Variants in NRG4 observed in about 807,000 individuals in gnomAD.
NRG4 encodes pro-neuregulin-4, membrane-bound isoform.
A neutral mutation model predicts 15.0 loss-of-function variants in NRG4; 10 were observed. That is an observed-to-expected ratio of 0.67 (90% CI 0.41 to 1.13). The LOEUF (loss-of-function observed/expected upper bound fraction) is 1.13, where lower values mean the gene tolerates loss of function less well. Ranked by LOEUF, NRG4 falls within the 50% of genes most tolerant of loss-of-function variation. The pLI is 0.00. For missense variants in NRG4, 139 were observed against 140.2 expected (o/e 0.99, Z 0.04); for synonymous variants, 41 against 50.1 (o/e 0.82, Z 0.77).
chr15:75,951,696 T>C (rs921190825), intron 5 of NRG4, among the ~76,000 whole-genome samples: 3 of 152,196 alleles, frequency 2.0e-5, no homozygotes, highest in Non-Finnish European at 4.4e-5. Flanking sequence ...ACATTCAGCA[T>C]AAGAACCTTA....
intron 5 of NRG4, among the ~76,000 whole-genome samples, chr15:76,023,182 AC>A (rs1398700066): frequency 0.056 from 7,094 of 126,338 alleles, 249 homozygotes; most frequent in Non-Finnish European, 0.077. Flanking sequence ...ACACACACAC[AC>A]AAGCAAGGAC....
chr15:75,943,449 C>T lies in NRG4; in HGVS notation c.*189G>A, dbSNP rs566449296. 2.3e-5 allele frequency: 13 copies of T among 570,144 alleles called. No homozygotes were observed. The highest frequency in any genetic ancestry group is 1.5e-4 in the African/African-American group (8 of 52,190). The allele number at this position is 570,144 out of a possible 1,614,324, so 35.3% of individuals were successfully genotyped here. A position where few individuals can be genotyped will look rare whatever the true frequency, so the allele number is the denominator to read the frequency against. ...GTATCACCCCCTACTTAGCAGTTGC[C>T]GATGGACTGATGCACATTACAGAAG... is the stretch of plus-strand genomic sequence containing the variant. On this transcript the variant is annotated 3_prime_UTR_variant, in exon 6 of 6. Transcript: ENST00000394907.
chr15:76,014,419 A>AT (rs1167607756), upstream of NRG4, among the ~76,000 whole-genome samples: 1 of 152,120 alleles, frequency 6.6e-6, no homozygotes, highest in East Asian at 1.9e-4. Context: ...GTCTTTGCCC[A>AT]TATCTGTGTC....
intron 3 of NRG4, among the ~76,000 whole-genome samples, chr15:75,964,715 C>G (rs929604721): frequency 6.6e-6 from 1 of 151,776 alleles, no homozygotes; most frequent in Admixed American, 6.6e-5. Context: ...GGCTTGAGCC[C>G]AGGAGTTTGA....
chr15:76,038,631 C>T (rs767151198), intron 4 of NRG4, among the ~76,000 whole-genome samples: 7 of 152,212 alleles, frequency 4.6e-5, no homozygotes, highest in Non-Finnish European at 1.0e-4. Context: ...TTTTTGACTC[C>T]AGTCCTTAGC....
At chr15:76,040,453 GAAGAAAAGAAA>G (rs1198579648) in intron 4 of NRG4, among the ~76,000 whole-genome samples, 2 of 152,036 alleles carry the variant, frequency 1.3e-5, no homozygotes, top group Non-Finnish European at 2.9e-5. Flanking sequence ...AAGTAAGGAT[GAAGAAAAGAAA>G]AAGAAAAGGA....
At position 75,942,181 on chromosome 15, in the gene NRG4, G is replaced by C. The variant is rs905562351; in HGVS notation, c.*1457C>G. 1 of 151,886 alleles carries C rather than the reference G, an allele frequency of 6.6e-6. No individual in the cohort carries two copies. Among genetic ancestry groups the C allele is most frequent in the African/African-American group, 2.4e-5 (1 of 41,362 alleles). The allele number at this position is 151,886 out of a possible 1,614,324, so 9.4% of individuals were successfully genotyped here. On this transcript the variant is annotated 3_prime_UTR_variant, in exon 6 of 6. Transcript: ENST00000394907. ...GGAGAGAGGGAGGGGTAAATACATG[G>C]AGTAGAGATTTTTAGGGTGGTGAAA...
intron 5 of NRG4, among the ~76,000 whole-genome samples, chr15:76,022,889 G>C (rs2035200048): frequency 6.6e-6 from 1 of 152,038 alleles, no homozygotes; most frequent in African/African-American, 2.4e-5. Context: ...TTTGGAGGCT[G>C]TTTTAATAAT....
At chr15:75,966,033 C>T (rs1293484602) in intron 3 of NRG4, among the ~76,000 whole-genome samples, 1 of 152,194 alleles carries the variant, frequency 6.6e-6, no homozygotes, top group Non-Finnish European at 1.5e-5. Context: ...GATGCTGGAA[C>T]AGGTACAAAT....
At position 76,019,756 on chromosome 15, in the gene NRG4, G is replaced by A. The variant is rs190289591; in HGVS notation, c.-56-8470C>T. ...ATCACCCGCCTTCTGTGTTGATCTC[G>A]CTGGGAGCTGCAGACCAGAGCTGTT... On this transcript the variant is annotated intron_variant, in intron 5 of 8. Transcript: ENST00000563910. 1.2e-3 allele frequency among the ~76,000 whole-genome samples: 183 copies of A among 152,228 alleles called. 1 individual carries two copies. The highest frequency in any genetic ancestry group is 4.1e-3 in the African/African-American group (170 of 41,548).
chr15:76,057,969 A>C (rs533972668), intron 1 of NRG4, among the ~76,000 whole-genome samples: 1 of 151,968 alleles, frequency 6.6e-6, no homozygotes, highest in South Asian at 2.1e-4. Flanking sequence ...AGAAATTTGA[A>C]GTGGTCTTCA....
intron 3 of NRG4, among the ~76,000 whole-genome samples, chr15:75,985,409 G>A (rs567189843): frequency 6.6e-6 from 1 of 152,304 alleles, no homozygotes; most frequent in African/African-American, 2.4e-5. Flanking sequence ...GACAATTTAA[G>A]TGAAGTGTTA....
At chr15:75,938,040 C>G (rs1184731916), downstream of NRG4, 5 of 152,160 alleles carry the variant, frequency 3.3e-5, no homozygotes, top group African/African-American at 1.2e-4. Context: ...GTTCTAAGAC[C>G]CAAGCTTTCA....
chr15:75,952,277 ACTGT>A (rs1486404096), intron 5 of NRG4, among the ~76,000 whole-genome samples: 5 of 152,076 alleles, frequency 3.3e-5, no homozygotes, highest in African/African-American at 1.2e-4. Context: ...ACATTAATCT[ACTGT>A]CTGTCTCTAT....
chr15:75,970,776 G>C (rs2033056378), intron 3 of NRG4, among the ~76,000 whole-genome samples: 1 of 152,230 alleles, frequency 6.6e-6, no homozygotes, highest in South Asian at 2.1e-4. Context: ...AGGATGCAGG[G>C]ATAGGTGAAG....
intron 5 of NRG4, among the ~76,000 whole-genome samples, chr15:76,026,545 T>A (rs535637736): frequency 5.3e-5 from 8 of 152,196 alleles, no homozygotes; most frequent in Non-Finnish European, 1.2e-4. Flanking sequence ...CTCAAGGGAA[T>A]CTTACATATG....
chr15:76,020,022 C>T lies in NRG4; in HGVS notation c.-56-8736G>A, dbSNP rs142922519. 3.7e-3 allele frequency among the ~76,000 whole-genome samples: 564 copies of T among 152,224 alleles called. 2 individuals are homozygous for T. The highest frequency in any genetic ancestry group is 0.013 in the African/African-American group (546 of 41,550). On this transcript the variant is annotated intron_variant, in intron 5 of 8. Transcript: ENST00000563910. Reference sequence around the variant, plus strand: ...CATTTTGGTAATCCTTGCAATATTTCGAACTTTTTCATTATTATTCTATCG... The same window carrying T: ...CATTTTGGTAATCCTTGCAATATTTTGAACTTTTTCATTATTATTCTATCG...
chr15:75,959,782 C>A (rs1474804992), intron 4 of NRG4, among the ~76,000 whole-genome samples: 2 of 152,162 alleles, frequency 1.3e-5, no homozygotes, highest in Non-Finnish European at 2.9e-5. Context: ...CCATGTCCAG[C>A]CACCTCTTAT....
At chr15:76,036,719 G>A (rs753916620) in intron 4 of NRG4, among the ~76,000 whole-genome samples, 5 of 152,188 alleles carry the variant, frequency 3.3e-5, no homozygotes, top group Admixed American at 2.0e-4. Context: ...GATTCAACAA[G>A]TGCTAGCTAT....
Sources: allele counts gnomAD v4.1 joint callset (sites outside exome capture counted in the v4.1 genomes callset), GRCh38; gene constraint gnomAD v4.1.1; transcripts MANE v1.5; gene names NCBI Gene and HGNC (gene_info 2026-07-23, HGNC 2026-07-21).